The following RNMT variants were observed in gnomAD, a reference collection of about 807,000 sequenced individuals.
The protein encoded by RNMT is RNA guanine-7 methyltransferase, also known as mRNA cap guanine-N(7) methyltransferase.
RNMT carries 27 observed loss-of-function variants against 56.0 expected under a neutral mutation model. The ratio of observed to expected loss-of-function variants is 0.48; its 90% CI spans 0.36 to 0.67. The LOEUF (loss-of-function observed/expected upper bound fraction) is 0.67, where lower values mean the gene tolerates loss of function less well. Ranked by LOEUF, RNMT falls within the 30% of genes least tolerant of loss-of-function variation. The probability of loss-of-function intolerance (pLI) is 0.00; values close to 1 mark genes in which losing one functional copy is unlikely to be tolerated. For missense variants in RNMT, 519 were observed against 552.1 expected, an observed-to-expected ratio of 0.94 and a Z score of 0.60; for synonymous variants, 184 against 176.2, an observed-to-expected ratio of 1.04 and a Z score of -0.35.
chr18:13,762,448 GC>G lies in RNMT; in HGVS notation c.*2470del, dbSNP rs2044632352. 1 of 319,624 alleles carries G rather than the reference GC, an allele frequency of 3.1e-6. No individual in the cohort carries two copies. The highest frequency in any genetic ancestry group is 5.8e-6 in the Non-Finnish European group (1 of 173,108). The allele number at this position is 319,624 out of a possible 1,614,324, so 19.8% of individuals were successfully genotyped here. On this transcript the variant is annotated 3_prime_UTR_variant, in exon 12 of 12. Transcript: ENST00000383314. ...TCACTGCACCATCAGGCTTGGCCCTGCTGTGCCTTCAGTACCCAGCCAGGTT... is the reference window on the plus strand; with the variant it reads ...TCACTGCACCATCAGGCTTGGCCCTGTGTGCCTTCAGTACCCAGCCAGGTT...
intron 11 of RNMT, among the ~76,000 whole-genome samples, chr18:13,756,291 T>C (rs1188091501): frequency 6.6e-6 from 1 of 152,210 alleles, no homozygotes; most frequent in Non-Finnish European, 1.5e-5. Context: ...TGGGACTTTT[T>C]AGGAGTTTCA....
At chr18:13,731,077 G>T (rs1441560199) in intron 2 of RNMT, among the ~76,000 whole-genome samples, 1 of 152,172 alleles carries the variant, frequency 6.6e-6, no homozygotes. Context: ...TCTACAATGA[G>T]ATTTTTTTAA....
chr18:13,755,184 A>G (rs536037716), intron 11 of RNMT, among the ~76,000 whole-genome samples: 154 of 152,352 alleles, frequency 1.0e-3, no homozygotes, highest in Middle Eastern at 3.4e-3. Flanking sequence ...AGAAGTCTAC[A>G]CTGTAATGGA....
chr18:13,749,888 T>G (rs1737852722), intron 9 of RNMT, among the ~76,000 whole-genome samples: 2 of 144,070 alleles, frequency 1.4e-5, no homozygotes, highest in Admixed American at 7.1e-5. Flanking sequence ...CCCTTCTGAG[T>G]AGCTGGGACT....
intron 8 of RNMT, among the ~76,000 whole-genome samples, chr18:13,743,444 T>C (rs1437776540): frequency 1.3e-5 from 2 of 152,152 alleles, no homozygotes; most frequent in African/African-American, 4.8e-5. Context: ...TGAAATTGCC[T>C]ATGTCTCACA....
chr18:13,745,008 T>C (rs1433171964), intron 8 of RNMT, among the ~76,000 whole-genome samples: 4 of 152,108 alleles, frequency 2.6e-5, no homozygotes, highest in Non-Finnish European at 4.4e-5. Flanking sequence ...GAAAAGTAGG[T>C]GGGCAGCTGA....
chr18:13,742,807 CA>C (rs2044273870), intron 8 of RNMT, 155 bp downstream of exon 8: 6 of 529,184 alleles, frequency 1.1e-5, no homozygotes, highest in Non-Finnish European at 1.9e-5. Flanking sequence ...AAAAAAAAAA[CA>C]AAACAAGACT....
chr18:13,751,417 A>T (rs1156803969), intron 9 of RNMT, among the ~76,000 whole-genome samples: 1 of 152,242 alleles, frequency 6.6e-6, no homozygotes, highest in Non-Finnish European at 1.5e-5. Context: ...CCACAATGAG[A>T]TACCATCTCA....
intron 3 of RNMT, 64 bp downstream of exon 3, chr18:13,731,998 G>A (rs937531697): frequency 2.1e-5 from 27 of 1,309,384 alleles, no homozygotes; most frequent in East Asian, 1.9e-4. Flanking sequence ...TGGAACACCC[G>A]TGGATTCATA....
chr18:13,751,483 A>ACAGCATC (rs1214301590), intron 9 of RNMT, among the ~76,000 whole-genome samples: 4 of 152,224 alleles, frequency 2.6e-5, no homozygotes, highest in African/African-American at 9.6e-5. Flanking sequence ...GCTGGAGAGG[A>ACAGCATC]TGTGGAGAAA....
chr18:13,764,357 A>C lies in RNMT; in HGVS notation c.*4378A>C, dbSNP rs866966421. The C allele has an allele frequency of 6.6e-6, 1 of 152,182 alleles. No individual in the cohort carries two copies. The highest frequency in any genetic ancestry group is 2.4e-5 in the African/African-American group (1 of 41,450). 9.4% of individuals were successfully genotyped at this position (152,182 alleles called of 1,614,324 possible). On this transcript the variant is annotated 3_prime_UTR_variant, in exon 12 of 12. Coordinates refer to ENST00000383314, the MANE Select transcript of RNMT (RefSeq NM_003799.3). The stretch of plus-strand genomic sequence containing the variant: ...AACTACCTCTCCAAGGGAAACCACT[A>C]TCCTGAGTTCTAAGCGCATAGATTA...
intron 5 of RNMT, among the ~76,000 whole-genome samples, chr18:13,739,852 A>G (rs2044223643): frequency 6.6e-6 from 1 of 152,130 alleles, no homozygotes; most frequent in Admixed American, 6.6e-5. Context: ...TATTTCCAAA[A>G]CTGGGCTTAT....
intron 4 of RNMT, among the ~76,000 whole-genome samples, chr18:13,735,941 G>C (rs1488787887): frequency 6.6e-6 from 1 of 151,980 alleles, no homozygotes; most frequent in East Asian, 1.9e-4. Context: ...CTCATTCTTT[G>C]TCACTCATTT....
intron 9 of RNMT, among the ~76,000 whole-genome samples, chr18:13,751,213 G>A (rs550540588): frequency 9.9e-5 from 15 of 152,130 alleles, no homozygotes; most frequent in African/African-American, 2.2e-4. Context: ...AATTTTTGCC[G>A]TCTACCCATC....
chr18:13,750,103 A>T (rs186154627), intron 9 of RNMT, among the ~76,000 whole-genome samples: 2 of 152,138 alleles, frequency 1.3e-5, no homozygotes, highest in African/African-American at 2.4e-5. Context: ...CTATAAAGGG[A>T]TATCACTTAA....
At chr18:13,742,794 TA>T (rs376557096) in intron 8 of RNMT, 142 bp downstream of exon 8, 9,206 of 471,976 alleles carry the variant, frequency 0.02, 24 homozygotes, top group African/African-American at 0.036. Flanking sequence ...TTTGTGTTTT[TA>T]AAAAAAAAAA....
intron 9 of RNMT, 131 bp from the exon 10 acceptor site, chr18:13,752,195 G>T: frequency 1.6e-6 from 1 of 612,196 alleles, no homozygotes; most frequent in Non-Finnish European, 2.9e-6. Flanking sequence ...TCAAAAGTAT[G>T]TATAGTTTGT....
chr18:13,733,919 G>A (rs1396146000), intron 3 of RNMT, among the ~76,000 whole-genome samples: 3 of 152,128 alleles, frequency 2.0e-5, no homozygotes, highest in Admixed American at 1.3e-4. Flanking sequence ...TTCAAAATAA[G>A]GTGATATGGT....
chr18:13,748,522 G>A (rs1293216870), intron 9 of RNMT, among the ~76,000 whole-genome samples: 1 of 152,122 alleles, frequency 6.6e-6, no homozygotes, highest in Non-Finnish European at 1.5e-5. Flanking sequence ...CAGGTCAGAG[G>A]TTTAAATGGA....
Sources: gnomAD v4.1 joint callset for allele counts (sites outside exome capture counted in the v4.1 genomes callset) on GRCh38, gnomAD v4.1.1 for gene constraint, MANE v1.5 for transcripts, NCBI Gene and HGNC (gene_info 2026-07-23, HGNC 2026-07-21) for gene names.